BACH2: variants seen among roughly 807,000 people sequenced by gnomAD.
BACH2 encodes the protein BACH transcriptional regulator 2, also known as transcription regulator protein BACH2.
A neutral mutation model predicts 61.8 loss-of-function variants in BACH2; 5 were observed. That is an observed-to-expected ratio of 0.08 (90% CI 0.04 to 0.17). The LOEUF (loss-of-function observed/expected upper bound fraction) is 0.17, where lower values mean the gene tolerates loss of function less well. Ranked by LOEUF, BACH2 falls within the 10% of genes least tolerant of loss-of-function variation. The pLI, the probability that BACH2 is intolerant of heterozygous loss-of-function variation, is 1.00. For synonymous variants in BACH2, 446 were observed against 440.1 expected (o/e 1.01, Z -0.17); for missense variants, 824 against 1,091.1 (o/e 0.76, Z 3.45).
At chr6:90,148,867 A>C (rs1207115636) in intron 4 of BACH2, among the ~76,000 whole-genome samples, 1 of 152,188 alleles carries the variant, frequency 6.6e-6, no homozygotes, top group Non-Finnish European at 1.5e-5. Flanking sequence ...TTGAAAAAGG[A>C]ACACAATCAG....
intron 4 of BACH2, among the ~76,000 whole-genome samples, chr6:90,089,662 GA>G (rs1296596028): frequency 1.3e-5 from 2 of 151,972 alleles, no homozygotes; most frequent in African/African-American, 4.8e-5. Flanking sequence ...GAAAAATAAA[GA>G]AAAAAATAAA....
At chr6:89,982,587 T>C (rs1329794591) in intron 6 of BACH2, among the ~76,000 whole-genome samples, 3 of 152,238 alleles carry the variant, frequency 2.0e-5, no homozygotes, top group South Asian at 2.1e-4. Flanking sequence ...TATTTTAATA[T>C]AGCTGTGCTT....
intron 1 of BACH2, among the ~76,000 whole-genome samples, chr6:90,295,531 C>T (rs996681208): frequency 6.6e-6 from 1 of 152,160 alleles, no homozygotes; most frequent in Non-Finnish European, 1.5e-5. Context: ...CCCGAACACC[C>T]GCCGGGTGAG....
intron 4 of BACH2, among the ~76,000 whole-genome samples, chr6:90,188,001 A>C (rs749027882): frequency 6.6e-6 from 1 of 152,176 alleles, no homozygotes; most frequent in Non-Finnish European, 1.5e-5. Context: ...AAAGTTCAGA[A>C]GGTGCTGGCA....
intron 4 of BACH2, among the ~76,000 whole-genome samples, chr6:90,143,291 T>C (rs1264624307): frequency 6.6e-6 from 1 of 152,124 alleles, no homozygotes; most frequent in Non-Finnish European, 1.5e-5. Context: ...GTAACATCGA[T>C]GACAATATGA....
chr6:90,016,171 G>A lies in BACH2; in HGVS notation c.-12-7315C>T, dbSNP rs559395986. Reference sequence around the variant, plus strand: ...TTTTTATATTTAAAATGTGATTCTTGTAAGTAACATATAATTGGGTCTTGC... The same window carrying A: ...TTTTTATATTTAAAATGTGATTCTTATAAGTAACATATAATTGGGTCTTGC... On this transcript the variant is annotated intron_variant, in intron 5 of 8. Transcript: ENST00000257749. Among the ~76,000 whole-genome samples, 4 of 151,848 alleles carry A rather than the reference G, an allele frequency of 2.6e-5. No homozygotes were observed. The South Asian group carries it at 8.3e-4, about 31-fold the overall frequency.
chr6:89,991,732 T>C (rs1404768890), intron 6 of BACH2, among the ~76,000 whole-genome samples: 2 of 152,022 alleles, frequency 1.3e-5, no homozygotes, highest in African/African-American at 4.8e-5. Context: ...TTTTTCAATC[T>C]GGGAGCCAAT....
At chr6:89,984,421 A>C (rs1367257278) in intron 6 of BACH2, among the ~76,000 whole-genome samples, 3 of 152,018 alleles carry the variant, frequency 2.0e-5, no homozygotes, top group Non-Finnish European at 2.9e-5. Context: ...TACCCTCACC[A>C]TAAAGAGGGC....
In BACH2 at chr6:89,950,567, C is replaced by T; in HGVS notation, c.1539G>A (p.Leu513=). 1 of 1,611,378 alleles carries T rather than the reference C, an allele frequency of 6.2e-7. No individual in the cohort carries two copies. Among genetic ancestry groups the T allele is most frequent in the South Asian group, 1.1e-5 (1 of 90,890 alleles). The change falls in exon 7 of 9, where the codon TTG becomes TTA. Residue 513 remains leucine (L), a synonymous_variant. Transcript: ENST00000257749. This position sits in a 1 kb window ranked among gnomAD's most constrained non-coding sequence, Gnocchi z 5.3. The stretch of plus-strand genomic sequence containing the variant: ...AGCTGGAAGTCCTGGTCCTGGTCTC[C>T]AAGGGGGGTGAGCGAGGGCAGACTT... ...PIKVCPRSPP[L]ETRTRTSSSC...
chr6:90,094,539 G>A (rs1436506019), intron 4 of BACH2, among the ~76,000 whole-genome samples: 1 of 152,146 alleles, frequency 6.6e-6, no homozygotes, highest in Non-Finnish European at 1.5e-5. Flanking sequence ...GATCTGGAGT[G>A]ACAGAAAAAA....
At chr6:89,987,987 C>T (rs1221527121) in intron 6 of BACH2, among the ~76,000 whole-genome samples, 1 of 152,178 alleles carries the variant, frequency 6.6e-6, no homozygotes, top group East Asian at 1.9e-4. Flanking sequence ...TTCTCCAAGT[C>T]TCCTATAAGT....
chr6:90,116,420 C>T (rs1318703209), intron 4 of BACH2, among the ~76,000 whole-genome samples: 2 of 152,066 alleles, frequency 1.3e-5, no homozygotes, highest in African/African-American at 2.4e-5. Flanking sequence ...CATGTTCTCA[C>T]TTATAAGTGG....
At chr6:90,128,176 G>A (rs1005802907) in intron 4 of BACH2, among the ~76,000 whole-genome samples, 1 of 152,144 alleles carries the variant, frequency 6.6e-6, no homozygotes, top group African/African-American at 2.4e-5. Context: ...TTGGTCTTGG[G>A]AAGGAAGTGG....
At chr6:90,069,169 C>T (rs1781106080) in intron 5 of BACH2, among the ~76,000 whole-genome samples, 1 of 152,156 alleles carries the variant, frequency 6.6e-6, no homozygotes, top group Admixed American at 6.5e-5. Context: ...GGGATCCTAT[C>T]ATTCACTTCA....
chr6:90,277,040 G>GAC (rs1214595787), intron 1 of BACH2, among the ~76,000 whole-genome samples: 2 of 152,084 alleles, frequency 1.3e-5, no homozygotes, highest in African/African-American at 4.8e-5. Flanking sequence ...TACTATTCAA[G>GAC]ACACCAACAG....
At chr6:90,169,895 G>GT (rs2127836645) in intron 4 of BACH2, among the ~76,000 whole-genome samples, 1 of 152,192 alleles carries the variant, frequency 6.6e-6, no homozygotes, top group African/African-American at 2.4e-5. Flanking sequence ...TGGATATTTT[G>GT]TTTGTTTTTG....
chr6:89,989,518 A>AGGT (rs1191227680), intron 6 of BACH2, among the ~76,000 whole-genome samples: 1 of 152,126 alleles, frequency 6.6e-6, no homozygotes, highest in African/African-American at 2.4e-5. Context: ...CCTTCTGCTT[A>AGGT]GGTGGTGGCC....
chr6:89,978,768 G>C (rs1321588233), intron 6 of BACH2, among the ~76,000 whole-genome samples: 2 of 152,252 alleles, frequency 1.3e-5, no homozygotes, highest in African/African-American at 4.8e-5. Flanking sequence ...TGTTTCTGTG[G>C]GTGGTACAAA....
intron 2 of BACH2, among the ~76,000 whole-genome samples, chr6:90,259,989 T>TA (rs1012176522): frequency 6.7e-4 from 101 of 151,442 alleles, no homozygotes; most frequent in South Asian, 4.2e-4. Context: ...CAATTTTACT[T>TA]AAAAAAAAAC....
Sources: allele counts gnomAD v4.1 joint callset (sites outside exome capture counted in the v4.1 genomes callset), GRCh38; gene constraint gnomAD v4.1.1; non-coding constraint Gnocchi (gnomAD v3.1); transcripts MANE v1.5; gene names NCBI Gene and HGNC (gene_info 2026-07-23, HGNC 2026-07-21).